ITFG1: variants seen among roughly 807,000 people sequenced by gnomAD.
The protein encoded by ITFG1 is T-cell immunomodulatory protein.
In ITFG1, 34 loss-of-function variants were observed where a neutral mutation model predicts 81.8. The ratio of observed to expected loss-of-function variants is 0.42; its 90% CI spans 0.32 to 0.55. ITFG1 has a LOEUF of 0.55. Ranked by LOEUF, ITFG1 falls within the 20% of genes least tolerant of loss-of-function variation. The pLI, the probability that ITFG1 is intolerant of heterozygous loss-of-function variation, is 0.17. For missense variants in ITFG1, 672 were observed against 755.4 expected (o/e 0.89, Z 1.29); for synonymous variants, 285 against 270.6 (o/e 1.05, Z -0.52).
rs533190640 is a variant in ITFG1 at position 47,162,865 on chromosome 16, T to C, written c.1454-201A>G. The C allele has an allele frequency of 9.5e-6, 4 of 422,822 alleles. No individual in the cohort carries two copies. The South Asian group carries it at 1.1e-4, about 12-fold the overall frequency. The allele number at this position is 422,822 out of a possible 1,614,324, so 26.2% of individuals were successfully genotyped here. On this transcript the variant is annotated intron_variant, in intron 14 of 17. Transcript: ENST00000320640. ...CATGGTCTCACTCTGCCACCTAGGC[T>C]GCAGTGCAGTAGCACTGCACTGAGC...
chr16:47,311,536 A>T lies in ITFG1; in HGVS notation c.898-124T>A, dbSNP rs543113604. ...TATTTTACTTAACTTTTTTATCTCT[A>T]CAATATGGTAGGGGATCATAATTTA... On this transcript the variant is annotated intron_variant, in intron 9 of 17. Transcript: ENST00000320640. 130 of 635,762 alleles carry T rather than the reference A, an allele frequency of 2.0e-4. No individual in the cohort carries two copies. In the South Asian group the frequency reaches 3.6e-3, roughly 17 times the overall value. 39.4% of individuals were successfully genotyped at this position (635,762 alleles called of 1,614,324 possible). A position where few individuals can be genotyped will look rare whatever the true frequency, so the allele number is the denominator to read the frequency against.
intron 5 of ITFG1, chr16:47,449,432 C>T (rs138077842): frequency 5.9e-5 from 9 of 152,246 alleles, no homozygotes; most frequent in Middle Eastern, 3.4e-3. Context: ...ATTTTAGTAA[C>T]ATATTAATAT....
chr16:47,163,930 C>CAT (rs1036679372), intron 14 of ITFG1, among the ~76,000 whole-genome samples: 4 of 147,394 alleles, frequency 2.7e-5, no homozygotes, highest in African/African-American at 1.1e-4. Flanking sequence ...CACACACACA[C>CAT]ACACACACAC....
chr16:47,314,636 A>G (rs559445095), intron 8 of ITFG1, among the ~76,000 whole-genome samples: 2 of 152,312 alleles, frequency 1.3e-5, no homozygotes, highest in South Asian at 2.1e-4. Context: ...GCTCTCTCCC[A>G]TCTAATGTCC....
intron 6 of ITFG1, among the ~76,000 whole-genome samples, chr16:47,394,828 A>C (rs1968574899): frequency 6.6e-6 from 1 of 152,184 alleles, no homozygotes; most frequent in African/African-American, 2.4e-5. Flanking sequence ...GTGAAATGAG[A>C]TCTCCAGTAA....
At chr16:47,250,520 G>A (rs2151538662) in intron 12 of ITFG1, among the ~76,000 whole-genome samples, 1 of 151,946 alleles carries the variant, frequency 6.6e-6, no homozygotes, top group East Asian at 1.9e-4. Flanking sequence ...ATTTCACAAG[G>A]TATACATATA....
intron 8 of ITFG1, among the ~76,000 whole-genome samples, chr16:47,358,501 AG>A (rs1410616708): frequency 1.4e-4 from 21 of 152,226 alleles, no homozygotes; most frequent in Admixed American, 1.4e-3. Context: ...ATAAGGATCC[AG>A]GATGTCTCCT....
chr16:47,421,644 C>T (rs1968951096), intron 6 of ITFG1, among the ~76,000 whole-genome samples: 2 of 152,092 alleles, frequency 1.3e-5, no homozygotes, highest in African/African-American at 4.8e-5. Flanking sequence ...AAGCCATTTA[C>T]AATCAAGGTT....
intron 12 of ITFG1, among the ~76,000 whole-genome samples, chr16:47,238,561 G>C (rs1486899192): frequency 6.6e-6 from 1 of 152,040 alleles, no homozygotes; most frequent in Non-Finnish European, 1.5e-5. Flanking sequence ...CCAGCAAAAA[G>C]AGGTTAAAAT....
chr16:47,291,687 A>G (rs899259145), intron 10 of ITFG1, among the ~76,000 whole-genome samples: 2 of 152,174 alleles, frequency 1.3e-5, no homozygotes, highest in Admixed American at 6.5e-5. Flanking sequence ...TGACAGATCT[A>G]CATATTTAAA....
At chr16:47,239,264 G>A (rs1455178586) in intron 12 of ITFG1, among the ~76,000 whole-genome samples, 4 of 151,586 alleles carry the variant, frequency 2.6e-5, no homozygotes, top group African/African-American at 7.3e-5. Flanking sequence ...GCAGTGGCAC[G>A]ATCTTGGCTC....
At position 47,260,769 on chromosome 16, in the gene ITFG1, G is replaced by A. The variant is rs142214081; in HGVS notation, c.1071-74C>T. 5.5e-6 allele frequency: 8 copies of A among 1,447,734 alleles called. No individual in the cohort carries two copies. In the East Asian group the frequency reaches 1.8e-4, roughly 33 times the overall value. 89.7% of individuals were successfully genotyped at this position (1,447,734 alleles called of 1,614,324 possible). A position where few individuals can be genotyped will look rare whatever the true frequency, so the allele number is the denominator to read the frequency against. On this transcript the variant is annotated intron_variant, in intron 10 of 17. Coordinates refer to ENST00000320640, the MANE Select transcript of ITFG1 (RefSeq NM_030790.5). ...GGCATCGGCTCTGTAGTATTTCCTA[G>A]ATTAAAAGGAGACGGTAAACGGTAC...
chr16:47,318,784 A>T (rs1172162073), intron 8 of ITFG1, among the ~76,000 whole-genome samples: 1 of 152,212 alleles, frequency 6.6e-6, no homozygotes, highest in East Asian at 1.9e-4. Flanking sequence ...TTGAAAAAAG[A>T]GTAGAATTGC....
chr16:47,293,587 C>T (rs116499533), intron 10 of ITFG1, among the ~76,000 whole-genome samples: 1,682 of 152,022 alleles, frequency 0.011, 35 homozygotes, highest in African/African-American at 0.038. Flanking sequence ...TTTAGATTTG[C>T]GTATCTCTGA....
At chr16:47,440,541 A>G (rs1278141664) in intron 5 of ITFG1, among the ~76,000 whole-genome samples, 2 of 152,170 alleles carry the variant, frequency 1.3e-5, no homozygotes, top group Non-Finnish European at 2.9e-5. Flanking sequence ...CTCACTCAAA[A>G]CCGCTCAACT....
chr16:47,158,997 A>C lies in ITFG1; in HGVS notation c.1662-7T>G. ...ATACAGTTTGGCACTCCAACTGTAG[A>C]TAAAAACAGAACAAATTAAAATTAC... On this transcript the variant is annotated splice_polypyrimidine_tract_variant and splice_region_variant and intron_variant, in intron 16 of 17. Coordinates refer to ENST00000320640, the MANE Select transcript of ITFG1 (RefSeq NM_030790.5). The C allele has an allele frequency of 7.3e-7, 1 of 1,367,268 alleles. No homozygotes were observed. The highest frequency in any genetic ancestry group is 2.5e-5 in the East Asian group (1 of 40,670). The allele number at this position is 1,367,268 out of a possible 1,614,324, so 84.7% of individuals were successfully genotyped here.
chr16:47,345,458 G>A (rs1041072958), intron 8 of ITFG1, among the ~76,000 whole-genome samples: 10 of 151,880 alleles, frequency 6.6e-5, no homozygotes, highest in Middle Eastern at 3.2e-3. Flanking sequence ...GTGCCACCAC[G>A]CCTGGCTATT....
chr16:47,441,269 A>G (rs1301416559), intron 5 of ITFG1, among the ~76,000 whole-genome samples: 2 of 152,212 alleles, frequency 1.3e-5, no homozygotes, highest in Admixed American at 6.5e-5. Flanking sequence ...AGCTGGTAAC[A>G]TTCCTTCTGA....
intron 2 of ITFG1, among the ~76,000 whole-genome samples, chr16:47,456,417 C>T (rs1182268583): frequency 6.6e-6 from 1 of 151,938 alleles, no homozygotes; most frequent in East Asian, 1.9e-4. Context: ...ATGCCGGGCG[C>T]GGTGGCTCAT....
Sources: gnomAD v4.1 joint callset for allele counts (sites outside exome capture counted in the v4.1 genomes callset) on GRCh38, gnomAD v4.1.1 for gene constraint, MANE v1.5 for transcripts, NCBI Gene and HGNC (gene_info 2026-07-23, HGNC 2026-07-21) for gene names.